Variants in TSNARE1 observed in about 807,000 individuals in gnomAD.
The protein encoded by TSNARE1 is t-SNARE domain-containing protein 1.
In TSNARE1, 49 loss-of-function variants were observed where a neutral mutation model predicts 62.0. The ratio of observed to expected loss-of-function variants is 0.79; its 90% CI spans 0.63 to 1.00. TSNARE1 has a LOEUF of 1.00. TSNARE1 is among the 50% of genes least tolerant of loss of function. The pLI, the probability that TSNARE1 is intolerant of heterozygous loss-of-function variation, is 0.00. For synonymous variants in TSNARE1, 328 were observed against 294.4 expected, an observed-to-expected ratio of 1.11 and a Z score of -1.17; for missense variants, 755 against 700.1, an observed-to-expected ratio of 1.08 and a Z score of -0.88.
At chr8:142,365,596 GCACACGCACACACA>G (rs1835475788) in intron 1 of TSNARE1, among the ~76,000 whole-genome samples, 1 of 113,264 alleles carries the variant, frequency 8.8e-6, no homozygotes, top group African/African-American at 4.3e-5. Flanking sequence ...ATAAACACAT[GCACACGCACACACA>G]CACACACACA....
Position 142,365,289 on chromosome 8 carries a change from A to G in TSNARE1, c.-39-10526T>C, listed in dbSNP as rs577931592. Among the ~76,000 whole-genome samples the G allele has an allele frequency of 1.7e-3, 265 of 152,342 alleles. 2 individuals are homozygous for G. The highest frequency in any genetic ancestry group is 1.0e-3 in the Non-Finnish European group (69 of 68,030). On this transcript the variant is annotated intron_variant, in intron 1 of 13. Transcript: ENST00000524325. ...CCATCTTCAAAATGTCAATGTTATC[A>G]AAGACAGGCAGACTGAGGTGTTGTC...
intron 13 of TSNARE1, among the ~76,000 whole-genome samples, chr8:142,222,901 TACTCATCC>T (rs1816477322): frequency 3.1e-5 from 1 of 32,210 alleles, no homozygotes; most frequent in African/African-American, 1.1e-4. Context: ...CTCATTCACT[TACTCATCC>T]ACTCATTCAC....
chr8:142,284,732 T>C (rs1822391710), intron 10 of TSNARE1, among the ~76,000 whole-genome samples: 1 of 152,140 alleles, frequency 6.6e-6, no homozygotes, highest in African/African-American at 2.4e-5. Context: ...ATCTGAGTGC[T>C]CCATCTCCTG....
At chr8:142,306,356 G>C (rs542395105) in intron 9 of TSNARE1, among the ~76,000 whole-genome samples, 1 of 152,230 alleles carries the variant, frequency 6.6e-6, no homozygotes, top group Non-Finnish European at 1.5e-5. Flanking sequence ...GGGGACACAC[G>C]AAGTCCTGGT....
intron 13 of TSNARE1, among the ~76,000 whole-genome samples, chr8:142,226,633 C>T (rs1190002783): frequency 2.6e-5 from 4 of 152,176 alleles, no homozygotes; most frequent in Non-Finnish European, 5.9e-5. Context: ...AGAGCACTGG[C>T]TCTGGAGTCC....
intron 4 of TSNARE1, among the ~76,000 whole-genome samples, chr8:142,333,436 T>C (rs1831335829): frequency 6.6e-6 from 1 of 152,152 alleles, no homozygotes; most frequent in South Asian, 2.1e-4. Context: ...AATTTTTAAA[T>C]AAAAGAACGT....
intron 12 of TSNARE1, among the ~76,000 whole-genome samples, chr8:142,262,933 CAT>C (rs1229499383): frequency 9.9e-5 from 15 of 152,208 alleles, no homozygotes; most frequent in South Asian, 2.1e-4. Flanking sequence ...ATTGTAATAA[CAT>C]GTGGACTTTA....
chr8:142,263,160 A>G (rs913851194), intron 12 of TSNARE1, among the ~76,000 whole-genome samples: 1 of 152,218 alleles, frequency 6.6e-6, no homozygotes, highest in African/African-American at 2.4e-5. Flanking sequence ...GTTTTGGTAG[A>G]TAATCCTGGT....
intron 9 of TSNARE1, among the ~76,000 whole-genome samples, chr8:142,304,782 G>C (rs911119857): frequency 6.6e-6 from 1 of 152,218 alleles, no homozygotes; most frequent in Non-Finnish European, 1.5e-5. Context: ...ACCAGGTTGA[G>C]CTGTGCTTTT....
chr8:142,253,781 G>A (rs894619832), intron 12 of TSNARE1, among the ~76,000 whole-genome samples: 7 of 152,220 alleles, frequency 4.6e-5, no homozygotes, highest in African/African-American at 7.2e-5. Context: ...CAGTGGGAAC[G>A]CGTAGCCAGC....
intron 1 of TSNARE1, among the ~76,000 whole-genome samples, chr8:142,369,606 T>C (rs765635973): frequency 4.5e-4 from 69 of 152,128 alleles, no homozygotes; most frequent in Non-Finnish European, 7.8e-4. Flanking sequence ...ACAAAATGCA[T>C]GAGCAGTGGG....
At chr8:142,217,290 AAAG>A (rs1815888972) in intron 13 of TSNARE1, among the ~76,000 whole-genome samples, 1 of 123,618 alleles carries the variant, frequency 8.1e-6, no homozygotes, top group African/African-American at 4.6e-5. Flanking sequence ...TAAAAAGAAG[AAAG>A]AAAGAAAGAA....
At chr8:142,361,278 T>A (rs898071929) in intron 1 of TSNARE1, among the ~76,000 whole-genome samples, 9 of 152,228 alleles carry the variant, frequency 5.9e-5, no homozygotes, top group Admixed American at 2.6e-4. Context: ...GAAAGCGGCA[T>A]CGTGCTTGTC....
Position 142,330,906 on chromosome 8 carries a change from G to A in TSNARE1, c.888C>T (p.Asp296=). The A allele has an allele frequency of 6.2e-7, 1 of 1,614,092 alleles. No homozygotes were observed. The highest frequency in any genetic ancestry group is 2.2e-5 in the East Asian group (1 of 44,878). ...ACCATGGCCCACACACTCACAGGCT[G>A]TCCCGAAGCTCCTGCGTGTCACTCG... The part of the protein sequence containing the change: ...GTPSDTQELR[D]SLHTAQQETN... The change falls in exon 6 of 14, where the codon GAC becomes GAT. Residue 296 remains aspartate (D), a synonymous_variant. Transcript: ENST00000524325.
chr8:142,398,092 C>T (rs912731907), intron 1 of TSNARE1, among the ~76,000 whole-genome samples: 2 of 152,140 alleles, frequency 1.3e-5, no homozygotes, highest in South Asian at 4.1e-4. Flanking sequence ...TCCCTTGGGC[C>T]TCCCGCTGCC....
chr8:142,290,315 C>T (rs909852476), intron 10 of TSNARE1, among the ~76,000 whole-genome samples: 1 of 152,188 alleles, frequency 6.6e-6, no homozygotes, highest in African/African-American at 2.4e-5. Context: ...CATACCCTGG[C>T]ACGGCAGCCA....
chr8:142,335,655 A>C (rs1334427209), intron 4 of TSNARE1, among the ~76,000 whole-genome samples: 1 of 152,198 alleles, frequency 6.6e-6, no homozygotes, highest in Non-Finnish European at 1.5e-5. Flanking sequence ...GGAAATATAG[A>C]AAGCAAACAT....
At chr8:142,283,666 A>G (rs1325008013) in intron 11 of TSNARE1, among the ~76,000 whole-genome samples, 1 of 150,214 alleles carries the variant, frequency 6.7e-6, no homozygotes, top group Non-Finnish European at 1.5e-5. Flanking sequence ...TCTGTCAATG[A>G]GCGGAGGTGG....
At chr8:142,248,290 A>G (rs1817991598) in intron 12 of TSNARE1, among the ~76,000 whole-genome samples, 1 of 152,216 alleles carries the variant, frequency 6.6e-6, no homozygotes, top group African/African-American at 2.4e-5. Context: ...GTTTCGCAGC[A>G]CAAATGGATG....
Sources: gnomAD v4.1 joint callset for allele counts (sites outside exome capture counted in the v4.1 genomes callset) on GRCh38, gnomAD v4.1.1 for gene constraint, MANE v1.5 for transcripts, NCBI Gene and HGNC (gene_info 2026-07-23, HGNC 2026-07-21) for gene names.